PTPRD: variants seen among roughly 807,000 people sequenced by gnomAD.
PTPRD encodes the protein receptor-type tyrosine-protein phosphatase delta.
PTPRD carries 34 observed loss-of-function variants against 214.5 expected under a neutral mutation model. The observed-to-expected ratio is 0.16, with a 90% confidence interval of 0.12 to 0.21. The LOEUF is 0.21. Ranked by LOEUF, PTPRD falls within the 10% of genes least tolerant of loss-of-function variation. The probability of loss-of-function intolerance (pLI) is 1.00; values close to 1 mark genes in which losing one functional copy is unlikely to be tolerated. For synonymous variants in PTPRD, 1,128 were observed against 845.7 expected, an observed-to-expected ratio of 1.33 and a Z score of -5.79; for missense variants, 2,545 against 2,398.7, an observed-to-expected ratio of 1.06 and a Z score of -1.27.
At chr9:10,001,146 T>A (rs2096300600) in intron 4 of PTPRD, among the ~76,000 whole-genome samples, 1 of 152,116 alleles carries the variant, frequency 6.6e-6, no homozygotes, top group Admixed American at 6.5e-5. Flanking sequence ...CTGTCATTTA[T>A]CTAAATTGGC....
At chr9:9,317,911 C>T (rs1964182055) in intron 9 of PTPRD, among the ~76,000 whole-genome samples, 1 of 152,082 alleles carries the variant, frequency 6.6e-6, no homozygotes, top group Non-Finnish European at 1.5e-5. Flanking sequence ...GTGGCTCACG[C>T]CTGTAATCCC....
At chr9:9,180,173 A>G (rs1425391084) in intron 10 of PTPRD, among the ~76,000 whole-genome samples, 3 of 151,598 alleles carry the variant, frequency 2.0e-5, no homozygotes, top group African/African-American at 7.3e-5. Flanking sequence ...CACTATTCAC[A>G]ATAGCAAAGA....
At chr9:9,072,378 T>A (rs1036870129) in intron 10 of PTPRD, among the ~76,000 whole-genome samples, 2 of 151,116 alleles carry the variant, frequency 1.3e-5, no homozygotes, top group Non-Finnish European at 1.5e-5. Context: ...TGTCACAGAT[T>A]GCTACCAGAC....
intron 3 of PTPRD, among the ~76,000 whole-genome samples, chr9:10,250,642 A>C (rs767045257): frequency 3.9e-5 from 6 of 152,116 alleles, no homozygotes; most frequent in Non-Finnish European, 7.4e-5. Context: ...GGAGAAAATA[A>C]AATCTAAGTC....
intron 2 of PTPRD, among the ~76,000 whole-genome samples, chr9:10,363,756 A>AC (rs1204744782): frequency 6.6e-6 from 1 of 151,774 alleles, no homozygotes; most frequent in African/African-American, 2.4e-5. Flanking sequence ...ATAAAATGTG[A>AC]CCCCTTATGG....
chr9:10,206,095 G>A (rs983540498), intron 3 of PTPRD, among the ~76,000 whole-genome samples: 1 of 145,534 alleles, frequency 6.9e-6, no homozygotes, highest in Non-Finnish European at 1.5e-5. Flanking sequence ...AGCGCGTGAA[G>A]CTTTAATTGT....
intron 4 of PTPRD, among the ~76,000 whole-genome samples, chr9:10,013,965 T>A (rs938000772): frequency 6.6e-6 from 1 of 151,982 alleles, no homozygotes; most frequent in African/African-American, 2.4e-5. Context: ...AGGACAAATC[T>A]GTAATTCTAA....
intron 8 of PTPRD, among the ~76,000 whole-genome samples, chr9:9,521,663 C>T (rs968805178): frequency 1.3e-5 from 2 of 152,078 alleles, no homozygotes; most frequent in Non-Finnish European, 2.9e-5. Context: ...AATTAAAGCC[C>T]TATGCCTCGT....
At chr9:9,928,956 T>C (rs980339946) in intron 5 of PTPRD, among the ~76,000 whole-genome samples, 3 of 152,178 alleles carry the variant, frequency 2.0e-5, no homozygotes, top group Admixed American at 1.3e-4. Flanking sequence ...ATACAGTAGT[T>C]GATTTATAAA....
intron 30 of PTPRD, among the ~76,000 whole-genome samples, chr9:8,480,094 T>C (rs1310574070): frequency 6.6e-6 from 1 of 152,220 alleles, no homozygotes; most frequent in Non-Finnish European, 1.5e-5. Flanking sequence ...ATCTCAGTCA[T>C]CTTTCTATTC....
At chr9:9,938,772 G>A (rs1027676610) in intron 4 of PTPRD, among the ~76,000 whole-genome samples, 162 bp from the exon 5 acceptor site, 1 of 151,938 alleles carries the variant, frequency 6.6e-6, no homozygotes, top group Admixed American at 6.6e-5. Context: ...TACATCTGAG[G>A]GATTAATATA....
At chr9:10,129,375 T>G (rs1255792799) in intron 3 of PTPRD, among the ~76,000 whole-genome samples, 2 of 152,148 alleles carry the variant, frequency 1.3e-5, no homozygotes, top group Non-Finnish European at 2.9e-5. Flanking sequence ...CCTCTTAATT[T>G]CAAAACTTAA....
intron 2 of PTPRD, among the ~76,000 whole-genome samples, chr9:10,359,936 A>C (rs934008261): frequency 6.6e-6 from 1 of 152,196 alleles, no homozygotes; most frequent in South Asian, 2.1e-4. Context: ...GGAGAATTGT[A>C]TATGTTGTTT....
chr9:9,747,459 G>A (rs1340240888), intron 6 of PTPRD, among the ~76,000 whole-genome samples: 1 of 151,998 alleles, frequency 6.6e-6, no homozygotes, highest in Non-Finnish European at 1.5e-5. Context: ...CAAAACTGGG[G>A]CTGAAAATTA....
chr9:8,484,099 T>C lies in PTPRD; in HGVS notation c.3413+20A>G, dbSNP rs1203781342. 6.2e-7 allele frequency: 1 copy of C among 1,608,790 alleles called. No individual in the cohort carries two copies. Among genetic ancestry groups the C allele is most frequent in the Middle Eastern group, 1.7e-4 (1 of 6,024 alleles). On this transcript the variant is annotated intron_variant, in intron 30 of 45. Transcript: ENST00000381196. The stretch of plus-strand genomic sequence containing the variant: ...TACCTATAATTCTTTCCTTCAGCCC[T>C]AAGCCTTCAATCAACTTACTTTATA...
At position 10,477,988 on chromosome 9, in the gene PTPRD, G is replaced by C. The variant is rs185246678; in HGVS notation, c.-600+134410C>G. 2.1e-3 allele frequency among the ~76,000 whole-genome samples: 324 copies of C among 151,764 alleles called. 2 individuals are homozygous for C. The highest frequency in any genetic ancestry group is 7.5e-3 in the African/African-American group (309 of 41,368). ...CACCGAGAACTGTCAGGGGATGGGG[G>C]ACAAGGGGAGGGAGAGCATTAGCAC... is the stretch of plus-strand genomic sequence containing the variant. On this transcript the variant is annotated intron_variant, in intron 2 of 45. Coordinates refer to ENST00000381196, the MANE Select transcript of PTPRD (RefSeq NM_002839.4).
At chr9:10,034,492 G>C (rs536688084) in intron 3 of PTPRD, among the ~76,000 whole-genome samples, 11 of 149,452 alleles carry the variant, frequency 7.4e-5, no homozygotes, top group Non-Finnish European at 1.2e-4. Flanking sequence ...CGTGTCATAG[G>C]CGTTTGTTGT....
intron 3 of PTPRD, among the ~76,000 whole-genome samples, chr9:10,178,998 T>C (rs1030731008): frequency 1.3e-5 from 2 of 151,892 alleles, no homozygotes; most frequent in Middle Eastern, 3.2e-3. Flanking sequence ...AAATGAAATA[T>C]GATAAAATAG....
At chr9:10,193,079 A>T in intron 3 of PTPRD, among the ~76,000 whole-genome samples, 1 of 152,218 alleles carries the variant, frequency 6.6e-6, no homozygotes, top group East Asian at 1.9e-4. Flanking sequence ...TTCAGCCAAA[A>T]ATAGCTTTGT....
Sources: allele counts gnomAD v4.1 joint callset (sites outside exome capture counted in the v4.1 genomes callset), GRCh38; gene constraint gnomAD v4.1.1; transcripts MANE v1.5; gene names NCBI Gene and HGNC (gene_info 2026-07-23, HGNC 2026-07-21).